MACROD2: variants seen among roughly 807,000 people sequenced by gnomAD.
The protein encoded by MACROD2 is mono-ADP ribosylhydrolase 2, also known as ADP-ribose glycohydrolase MACROD2.
In MACROD2, 36 loss-of-function variants were observed where a neutral mutation model predicts 70.4. The observed-to-expected ratio is 0.51, with a 90% CI of 0.39 to 0.68. The LOEUF (loss-of-function observed/expected upper bound fraction) is 0.68, where lower values mean the gene tolerates loss of function less well. MACROD2 is among the 30% of genes least tolerant of loss of function. The pLI, the probability that MACROD2 is intolerant of heterozygous loss-of-function variation, is 0.00. For synonymous variants in MACROD2, 172 were observed against 178.8 expected (o/e 0.96, Z 0.30); for missense variants, 496 against 538.4 (o/e 0.92, Z 0.78).
chr20:15,488,968 A>C (rs914405057), intron 7 of MACROD2, among the ~76,000 whole-genome samples: 1 of 152,182 alleles, frequency 6.6e-6, no homozygotes, highest in Non-Finnish European at 1.5e-5. Context: ...GATTTCAAAA[A>C]TACCCTCCGA....
intron 6 of MACROD2, among the ~76,000 whole-genome samples, chr20:15,362,188 T>G (rs1479901781): frequency 6.6e-6 from 1 of 152,022 alleles, no homozygotes; most frequent in Non-Finnish European, 1.5e-5. Context: ...GTTTTTATAT[T>G]TTTAGTAGAG....
intron 8 of MACROD2, among the ~76,000 whole-genome samples, chr20:15,605,989 C>G (rs1225797229): frequency 6.6e-6 from 1 of 152,170 alleles, no homozygotes; most frequent in East Asian, 1.9e-4. Context: ...ATTACATACT[C>G]CCTTAATTTT....
rs551892329 is a variant in MACROD2 at position 15,121,468 on chromosome 20, G to A, written c.419-108472G>A. On this transcript the variant is annotated intron_variant, in intron 5 of 17. Coordinates refer to ENST00000684519, the MANE Select transcript of MACROD2 (RefSeq NM_001351661.2). ...GCAGAGGTTGCAGTGAGCCGAGATC[G>A]AGCCATTGCACTCCAGCCTAGGCAA... Among the ~76,000 whole-genome samples, 5 of 143,574 alleles carry A rather than the reference G, an allele frequency of 3.5e-5. No individual in the cohort carries two copies. In the South Asian group the frequency reaches 1.1e-3, roughly 31 times the overall value. 94.2% of individuals were successfully genotyped at this position (143,574 alleles called of 152,430 possible).
intron 8 of MACROD2, among the ~76,000 whole-genome samples, chr20:15,543,881 T>C (rs1029296153): frequency 6.6e-6 from 1 of 152,246 alleles, no homozygotes; most frequent in East Asian, 1.9e-4. Flanking sequence ...GACATGTTCT[T>C]CTCATGGTAG....
intron 6 of MACROD2, among the ~76,000 whole-genome samples, chr20:15,230,440 A>G (rs2076950527): frequency 6.6e-6 from 1 of 152,168 alleles, no homozygotes; most frequent in Non-Finnish European, 1.5e-5. Flanking sequence ...TATTGGTTGT[A>G]TGCTTGTGCA....
At chr20:14,207,323 A>T (rs1749345209) in intron 3 of MACROD2, among the ~76,000 whole-genome samples, 1 of 152,036 alleles carries the variant, frequency 6.6e-6, no homozygotes, top group Admixed American at 6.5e-5. Context: ...GATGGTCTCG[A>T]TCTCTTGACC....
intron 15 of MACROD2, among the ~76,000 whole-genome samples, chr20:15,998,711 C>T (rs1159580982): frequency 6.6e-6 from 1 of 151,672 alleles, no homozygotes; most frequent in Non-Finnish European, 1.5e-5. Flanking sequence ...ACTACAGGCA[C>T]CCGCCACCAA....
chr20:14,209,784 C>G (rs1041219534), intron 3 of MACROD2, among the ~76,000 whole-genome samples: 13 of 152,244 alleles, frequency 8.5e-5, no homozygotes, highest in Admixed American at 8.5e-4. Context: ...TCTTAACTTT[C>G]AGTTGACTAG....
intron 2 of MACROD2, among the ~76,000 whole-genome samples, chr20:14,012,779 A>T (rs2052931215): frequency 6.6e-6 from 1 of 152,236 alleles, no homozygotes; most frequent in Non-Finnish European, 1.5e-5. Context: ...GGAGAGACAG[A>T]CTGTTTACGC....
At chr20:14,550,283 T>C (rs1410264403) in intron 4 of MACROD2, among the ~76,000 whole-genome samples, 1 of 152,060 alleles carries the variant, frequency 6.6e-6, no homozygotes, top group Non-Finnish European at 1.5e-5. Context: ...TTAATGGCCT[T>C]CCTTTCCCTG....
Position 15,744,149 on chromosome 20 carries a change from G to A in MACROD2, c.646-118596G>A, listed in dbSNP as rs111371116. 8.7e-3 allele frequency among the ~76,000 whole-genome samples: 1,319 copies of A among 152,160 alleles called. 9 individuals are homozygous for A. Among genetic ancestry groups the A allele is most frequent in the Non-Finnish European group, 0.014 (937 of 68,000 alleles). On this transcript the variant is annotated intron_variant, in intron 8 of 17. Coordinates refer to ENST00000684519, the MANE Select transcript of MACROD2 (RefSeq NM_001351661.2). Reference sequence around the variant, plus strand: ...AAACAATTATGTTTATTCAAAAAAGGCTAGATGAAATTAAATCAGGCTATT... The same window carrying A: ...AAACAATTATGTTTATTCAAAAAAGACTAGATGAAATTAAATCAGGCTATT...
intron 5 of MACROD2, among the ~76,000 whole-genome samples, chr20:15,039,797 C>G (rs1035385480): frequency 5.3e-5 from 8 of 152,136 alleles, no homozygotes; most frequent in African/African-American, 1.9e-4. Context: ...GCGTCCTACA[C>G]CAGGGTTTAC....
intron 8 of MACROD2, among the ~76,000 whole-genome samples, chr20:15,529,838 A>G (rs2047773342): frequency 6.6e-6 from 1 of 152,214 alleles, no homozygotes; most frequent in Non-Finnish European, 1.5e-5. Flanking sequence ...AAGAAAGGGA[A>G]TATACAATGG....
chr20:15,676,146 C>A (rs1385873326), intron 8 of MACROD2, among the ~76,000 whole-genome samples: 7 of 152,118 alleles, frequency 4.6e-5, no homozygotes, highest in Non-Finnish European at 1.5e-5. Flanking sequence ...TCATGTTAAG[C>A]TCATCTTACC....
At chr20:14,697,624 C>T (rs1487110790) in intron 5 of MACROD2, among the ~76,000 whole-genome samples, 1 of 152,150 alleles carries the variant, frequency 6.6e-6, no homozygotes, top group Non-Finnish European at 1.5e-5. Context: ...ATCACACAGC[C>T]CTCTTTCCTC....
At chr20:15,205,258 C>G (rs936402919) in intron 5 of MACROD2, among the ~76,000 whole-genome samples, 8 of 152,282 alleles carry the variant, frequency 5.3e-5, no homozygotes, top group African/African-American at 1.9e-4. Flanking sequence ...TCAACACACA[C>G]TATGGCATGA....
chr20:14,146,204 G>A (rs1369065633), intron 3 of MACROD2, among the ~76,000 whole-genome samples: 1 of 152,218 alleles, frequency 6.6e-6, no homozygotes, highest in South Asian at 2.1e-4. Flanking sequence ...TGTAGTCCCA[G>A]CTACTCAGAG....
chr20:14,470,923 G>A lies in MACROD2; in HGVS notation c.272-22556G>A, dbSNP rs572664401. ...TCCCTGGCTTCAGCCCCCTTTCCAG[G>A]GAAGTGAACAGTTCTGTCTTGCTGG... On this transcript the variant is annotated intron_variant, in intron 3 of 17. Transcript: ENST00000684519. Among the ~76,000 whole-genome samples the A allele has an allele frequency of 3.3e-5, 5 of 152,258 alleles. No individual in the cohort carries two copies. In the South Asian group the frequency reaches 1.0e-3, roughly 32 times the overall value.
chr20:15,465,979 T>C (rs1390396321), intron 7 of MACROD2, among the ~76,000 whole-genome samples: 1 of 152,102 alleles, frequency 6.6e-6, no homozygotes, highest in Non-Finnish European at 1.5e-5. Context: ...TGCCATAGAG[T>C]TTTTACCCTA....
Sources: gnomAD v4.1 joint callset for allele counts (sites outside exome capture counted in the v4.1 genomes callset) on GRCh38, gnomAD v4.1.1 for gene constraint, MANE v1.5 for transcripts, NCBI Gene and HGNC (gene_info 2026-07-23, HGNC 2026-07-21) for gene names.